UST: variants seen among roughly 807,000 people sequenced by gnomAD.
UST encodes the protein chondroitin sulfate 2-O-sulfotransferase.
Under a neutral mutation model 45.6 loss-of-function variants are expected in UST, and 21 were observed. That is an observed-to-expected ratio of 0.46 (90% CI 0.33 to 0.66). The LOEUF (loss-of-function observed/expected upper bound fraction) is 0.66, where lower values mean the gene tolerates loss of function less well. UST is among the 30% of genes least tolerant of loss of function. The pLI, the probability that UST is intolerant of heterozygous loss-of-function variation, is 0.02. For missense variants in UST, 463 were observed against 512.4 expected (o/e 0.90, Z 0.93); for synonymous variants, 215 against 200.6 (o/e 1.07, Z -0.61).
chr6:148,994,749 C>A (rs2500526), intron 5 of UST, among the ~76,000 whole-genome samples: 111,034 of 152,052 alleles, frequency 0.73, 41,663 homozygotes, highest in Non-Finnish European at 0.83. Context: ...TTCTGTCCCC[C>A]CCACCAGGCT....
At chr6:148,816,309 T>C (rs1238374171) in intron 1 of UST, among the ~76,000 whole-genome samples, 1 of 152,188 alleles carries the variant, frequency 6.6e-6, no homozygotes, top group Non-Finnish European at 1.5e-5. Context: ...AACATGATCA[T>C]TTCAGGAGAA....
At chr6:148,895,299 C>CA (rs1485595366) in intron 2 of UST, among the ~76,000 whole-genome samples, 11 of 151,972 alleles carry the variant, frequency 7.2e-5, no homozygotes, top group African/African-American at 1.9e-4. Context: ...ATCTTCTACA[C>CA]AAAAAACATA....
chr6:148,786,943 A>T (rs1776744830), intron 1 of UST, among the ~76,000 whole-genome samples: 1 of 151,966 alleles, frequency 6.6e-6, no homozygotes, highest in Non-Finnish European at 1.5e-5. Context: ...TGTGGTTTTG[A>T]TTTACATTTC....
intron 1 of UST, among the ~76,000 whole-genome samples, chr6:148,867,671 A>T (rs760127270): frequency 9.2e-5 from 14 of 152,122 alleles, no homozygotes; most frequent in South Asian, 4.2e-4. Flanking sequence ...CTCATCTGCC[A>T]CCATGTAAGA....
intron 1 of UST, among the ~76,000 whole-genome samples, chr6:148,870,413 A>G (rs890315761): frequency 1.3e-5 from 2 of 152,030 alleles, no homozygotes; most frequent in Non-Finnish European, 2.9e-5. Context: ...CTTTGTGAGG[A>G]CTTCCATTTG....
Position 148,990,598 on chromosome 6 carries a change from G to GT in UST, c.681+26038dup, listed in dbSNP as rs1477506549. On this transcript the variant is annotated intron_variant, in intron 5 of 7. Transcript: ENST00000367463. ...GATTTTGCAGAAAATTCTGGCTTGT[G>GT]TTTCAGTCATTTGCCTTTTCTCTGT... Among the ~76,000 whole-genome samples, 4 of 152,116 alleles carry GT rather than the reference G, an allele frequency of 2.6e-5. No individual in the cohort carries two copies. In the East Asian group the frequency reaches 7.7e-4, roughly 29 times the overall value.
rs190615881 is a variant in UST at position 149,058,579 on chromosome 6, T to A, written c.938-15254T>A. ...ATAGTATTTCTCTTGATCTTCTTTA[T>A]CCAGATGAAAAACCAGTTTGATCAG... On this transcript the variant is annotated intron_variant, in intron 7 of 7. Transcript: ENST00000367463. Among the ~76,000 whole-genome samples, 3 of 152,312 alleles carry A rather than the reference T, an allele frequency of 2.0e-5. No individual in the cohort carries two copies. In the East Asian group the frequency reaches 5.8e-4, roughly 29 times the overall value.
chr6:148,919,649 G>T (rs554019401), intron 2 of UST, among the ~76,000 whole-genome samples: 1 of 152,294 alleles, frequency 6.6e-6, no homozygotes, highest in African/African-American at 2.4e-5. Context: ...AAAATAGTTT[G>T]TCTTCTGAAA....
At chr6:148,971,225 A>G (rs904884091) in intron 5 of UST, among the ~76,000 whole-genome samples, 4 of 150,858 alleles carry the variant, frequency 2.7e-5, no homozygotes, top group Non-Finnish European at 5.9e-5. Flanking sequence ...CCAGTCATAC[A>G]TTTTTTTTTT....
intron 1 of UST, among the ~76,000 whole-genome samples, chr6:148,847,546 C>T (rs932696573): frequency 3.3e-5 from 5 of 152,184 alleles, no homozygotes; most frequent in African/African-American, 1.2e-4. Context: ...AATTTCCCCT[C>T]GTGTGGTTGT....
chr6:148,867,752 C>A (rs1288828392), intron 1 of UST, among the ~76,000 whole-genome samples: 1 of 152,152 alleles, frequency 6.6e-6, no homozygotes, highest in African/African-American at 2.4e-5. Context: ...TATTAAACCT[C>A]TTTTTCTTTA....
intron 2 of UST, among the ~76,000 whole-genome samples, chr6:148,891,065 A>G (rs913596590): frequency 1.3e-5 from 2 of 152,188 alleles, no homozygotes; most frequent in Non-Finnish European, 2.9e-5. Flanking sequence ...CCAGTTCCTT[A>G]TACTTTAATG....
At chr6:148,983,103 G>A (rs951147192) in intron 5 of UST, among the ~76,000 whole-genome samples, 11 of 152,080 alleles carry the variant, frequency 7.2e-5, no homozygotes, top group South Asian at 4.2e-4. Flanking sequence ...TTTACATTAC[G>A]GCATCAGTTA....
chr6:148,849,227 C>T (rs73778926), intron 1 of UST, among the ~76,000 whole-genome samples: 2,037 of 152,236 alleles, frequency 0.013, 41 homozygotes, highest in African/African-American at 0.045. Flanking sequence ...TCCAGGCATC[C>T]CTCATTCCAA....
intron 2 of UST, among the ~76,000 whole-genome samples, chr6:148,928,734 C>T (rs1355261994): frequency 6.6e-6 from 1 of 152,158 alleles, no homozygotes; most frequent in Non-Finnish European, 1.5e-5. Flanking sequence ...TGTGAAAAGC[C>T]CCCAACATGT....
chr6:148,749,054 T>C (rs948517602), intron 1 of UST, among the ~76,000 whole-genome samples: 1 of 152,252 alleles, frequency 6.6e-6, no homozygotes, highest in East Asian at 1.9e-4. Flanking sequence ...CTTTACCTTG[T>C]ACAAGACCTC....
At chr6:148,904,178 C>T (rs775052261) in intron 2 of UST, among the ~76,000 whole-genome samples, 1 of 152,200 alleles carries the variant, frequency 6.6e-6, no homozygotes, top group Non-Finnish European at 1.5e-5. Context: ...TAAATAGACT[C>T]AAAGTGCCTC....
chr6:149,029,511 A>C (rs1460662472), intron 7 of UST, among the ~76,000 whole-genome samples: 1 of 147,440 alleles, frequency 6.8e-6, no homozygotes, highest in East Asian at 1.9e-4. Flanking sequence ...TATTATATAG[A>C]TACACCACTA....
At chr6:148,866,264 A>C (rs759598708) in intron 1 of UST, among the ~76,000 whole-genome samples, 8 of 149,554 alleles carry the variant, frequency 5.3e-5, no homozygotes, top group Non-Finnish European at 1.0e-4. Context: ...TCGTTTATTT[A>C]TTTGAAAGAC....
Sources: gnomAD v4.1 joint callset for allele counts (sites outside exome capture counted in the v4.1 genomes callset) on GRCh38, gnomAD v4.1.1 for gene constraint, MANE v1.5 for transcripts, NCBI Gene and HGNC (gene_info 2026-07-23, HGNC 2026-07-21) for gene names.